Variants in MRPS35 observed in about 807,000 individuals in gnomAD.
MRPS35 encodes the protein small ribosomal subunit protein mS35.
In MRPS35, 29 loss-of-function variants were observed where a neutral mutation model predicts 32.7. The observed-to-expected ratio is 0.89, with a 90% CI of 0.66 to 1.21. The LOEUF (loss-of-function observed/expected upper bound fraction) is 1.21, where lower values mean the gene tolerates loss of function less well. MRPS35 is among the 50% of genes most tolerant of loss of function. The pLI is 0.00. For missense variants in MRPS35, 373 were observed against 383.8 expected, an observed-to-expected ratio of 0.97 and a Z score of 0.23; for synonymous variants, 148 against 139.3, an observed-to-expected ratio of 1.06 and a Z score of -0.44.
intron 5 of MRPS35, among the ~76,000 whole-genome samples, chr12:27,724,705 T>C (rs2061892683): frequency 6.6e-6 from 1 of 151,734 alleles, no homozygotes; most frequent in African/African-American, 2.4e-5. Flanking sequence ...ATCGCTCCAC[T>C]GCACTCCAAC....
At chr12:27,737,850 G>A (rs938715065) in intron 7 of MRPS35, among the ~76,000 whole-genome samples, 3 of 152,154 alleles carry the variant, frequency 2.0e-5, no homozygotes, top group Non-Finnish European at 4.4e-5. Context: ...TGAAACTTCA[G>A]AGTTTTTGAC....
At chr12:27,743,526 C>T (rs960981047) in intron 7 of MRPS35, among the ~76,000 whole-genome samples, 1 of 152,072 alleles carries the variant, frequency 6.6e-6, no homozygotes, top group Non-Finnish European at 1.5e-5. Context: ...GAAACTCCAT[C>T]TCAAAATAAA....
At chr12:27,729,921 G>A (rs1296839397) in intron 5 of MRPS35, among the ~76,000 whole-genome samples, 1 of 152,098 alleles carries the variant, frequency 6.6e-6, no homozygotes, top group East Asian at 1.9e-4. Context: ...AGAAATCTTG[G>A]TACACATGGC....
At chr12:27,741,045 G>C (rs373193353) in intron 7 of MRPS35, among the ~76,000 whole-genome samples, 1 of 152,052 alleles carries the variant, frequency 6.6e-6, no homozygotes, top group African/African-American at 2.4e-5. Context: ...GTGGGTGCCT[G>C]TAGTCCCAGC....
intron 1 of MRPS35, 68 bp downstream of exon 1, chr12:27,711,023 G>A: frequency 6.9e-7 from 1 of 1,453,700 alleles, no homozygotes; most frequent in South Asian, 1.2e-5. Flanking sequence ...GCCTCATGAA[G>A]GGTGCCGCGG....
rs187763227 is a variant in MRPS35, at chr12:27,733,854, A to T, written c.523-1593A>T. Reference sequence around the variant, plus strand: ...ATATTTATCTATTTTCTCTACTTCAAATACAAAATACAAAAATTCACAGTG... The same window carrying T: ...ATATTTATCTATTTTCTCTACTTCATATACAAAATACAAAAATTCACAGTG... On this transcript the variant is annotated intron_variant, in intron 5 of 7. Coordinates refer to ENST00000081029, the MANE Select transcript of MRPS35 (RefSeq NM_021821.4). Among the ~76,000 whole-genome samples, 564 of 152,342 alleles carry T rather than the reference A, an allele frequency of 3.7e-3. 1 individual carries two copies. The highest frequency in any genetic ancestry group is 5.6e-3 in the Non-Finnish European group (383 of 68,032).
At chr12:27,738,877 A>T (rs769440864) in intron 7 of MRPS35, among the ~76,000 whole-genome samples, 35 of 152,174 alleles carry the variant, frequency 2.3e-4, no homozygotes, top group Non-Finnish European at 4.4e-4. Context: ...GGTAGCGACA[A>T]TAGTAAGACA....
Position 27,755,268 on chromosome 12 carries a change from G to T in MRPS35, c.790G>T (p.Glu264Ter). The T allele has an allele frequency of 6.2e-7, 1 of 1,612,886 alleles. No homozygotes were observed. The highest frequency in any genetic ancestry group is 1.1e-5 in the South Asian group (1 of 90,484). The change falls in exon 8 of 8, where the codon GAA becomes TAA. Residue 264 changes from glutamate (E) to a stop codon, truncating the protein, a stop_gained. Transcript: ENST00000081029. LOFTEE classifies it low-confidence loss of function (END_TRUNC). Reference protein sequence around the residue: ...ENSSSERNILETLLQMKAAEK... With the variant: ...ENSSSERNIL ...TAGCTCATCAGAAAGAAATATCCTGGAAACGCTTCTCCAGATGAAAGCTGC... is the reference window on the plus strand; with the variant it reads ...TAGCTCATCAGAAAGAAATATCCTGTAAACGCTTCTCCAGATGAAAGCTGC...
chr12:27,748,775 A>G (rs768434713), intron 7 of MRPS35, among the ~76,000 whole-genome samples: 5 of 152,030 alleles, frequency 3.3e-5, no homozygotes, highest in Non-Finnish European at 5.9e-5. Flanking sequence ...GGCTCAAGCA[A>G]TCCTCCCACC....
Position 27,744,698 on chromosome 12 carries a change from A to G in MRPS35, c.702+7090A>G, listed in dbSNP as rs575683911. Among the ~76,000 whole-genome samples, 35 of 152,350 alleles carry G rather than the reference A, an allele frequency of 2.3e-4. No homozygotes were observed. The South Asian group carries it at 3.9e-3, about 17-fold the overall frequency. The stretch of plus-strand genomic sequence containing the variant: ...GTTTGTTAAACAACTAACTACACAC[A>G]TGCATTGAACTCCCATGAGTCCGAG... On this transcript the variant is annotated intron_variant, in intron 7 of 7. Transcript: ENST00000081029.
chr12:27,716,267 A>G, intron 2 of MRPS35, 24 bp from the exon 3 acceptor site: 1 of 1,517,204 alleles, frequency 6.6e-7, no homozygotes, highest in Non-Finnish European at 8.8e-7. Context: ...TATTTAAAAT[A>G]CTAAACGATT....
At chr12:27,713,108 T>A (rs150964821) in intron 1 of MRPS35, among the ~76,000 whole-genome samples, 1 of 152,232 alleles carries the variant, frequency 6.6e-6, no homozygotes, top group Non-Finnish European at 1.5e-5. Flanking sequence ...CTCTGTTCTG[T>A]TCTTAAATTT....
chr12:27,752,156 G>A (rs1286231208), intron 7 of MRPS35, among the ~76,000 whole-genome samples: 4 of 152,162 alleles, frequency 2.6e-5, no homozygotes. Flanking sequence ...GGAGGCTGAG[G>A]CAGGAGGGTC....
chr12:27,725,418 TTTTC>T (rs1403445179), intron 5 of MRPS35, among the ~76,000 whole-genome samples: 3 of 152,130 alleles, frequency 2.0e-5, no homozygotes, highest in African/African-American at 4.8e-5. Context: ...TTTTTAATGG[TTTTC>T]TTTATTAGAA....
chr12:27,736,619 T>C (rs1476676942), intron 6 of MRPS35, among the ~76,000 whole-genome samples: 1 of 152,092 alleles, frequency 6.6e-6, no homozygotes, highest in Non-Finnish European at 1.5e-5. Context: ...GTTGAAGTTA[T>C]TTGTCATATG....
At chr12:27,711,441 C>T (rs1410331926) in intron 1 of MRPS35, among the ~76,000 whole-genome samples, 13 of 152,172 alleles carry the variant, frequency 8.5e-5, no homozygotes, top group African/African-American at 2.7e-4. Flanking sequence ...TGCTTGATAG[C>T]GTGCTTACCC....
chr12:27,752,200 A>G (rs1426593545), intron 7 of MRPS35, among the ~76,000 whole-genome samples: 1 of 152,160 alleles, frequency 6.6e-6, no homozygotes, highest in Non-Finnish European at 1.5e-5. Flanking sequence ...GGCGGTAGGT[A>G]AGCTTTGATC....
chr12:27,732,384 C>A (rs1188224057), intron 5 of MRPS35, among the ~76,000 whole-genome samples: 1 of 152,140 alleles, frequency 6.6e-6, no homozygotes, highest in African/African-American at 2.4e-5. Flanking sequence ...TCCTCTTGTC[C>A]TCTCTGTGCC....
intron 7 of MRPS35, among the ~76,000 whole-genome samples, chr12:27,746,941 T>A (rs1421081321): frequency 1.3e-5 from 2 of 152,208 alleles, no homozygotes; most frequent in African/African-American, 4.8e-5. Context: ...TTGATTTCCC[T>A]GTCTCATCTA....
Sources: gnomAD v4.1 joint callset for allele counts (sites outside exome capture counted in the v4.1 genomes callset) on GRCh38, gnomAD v4.1.1 for gene constraint, MANE v1.5 for transcripts, NCBI Gene and HGNC (gene_info 2026-07-23, HGNC 2026-07-21) for gene names.